DYNC2H1: variants seen among roughly 807,000 people sequenced by gnomAD.
The protein encoded by DYNC2H1 is cytoplasmic dynein 2 heavy chain 1.
A neutral mutation model predicts 570.0 loss-of-function variants in DYNC2H1; 410 were observed. That is an observed-to-expected ratio of 0.72 (90% CI 0.66 to 0.78). The LOEUF (loss-of-function observed/expected upper bound fraction) is 0.78. Among genes scored for constraint, DYNC2H1 ranks in the 30% least tolerant of loss-of-function variants. The probability of loss-of-function intolerance (pLI) is 0.00; values close to 1 mark genes in which losing one functional copy is unlikely to be tolerated. For missense variants in DYNC2H1, 4,865 were observed against 5,046.4 expected, an observed-to-expected ratio of 0.96 and a Z score of 1.09; for synonymous variants, 1,688 against 1,677.6, an observed-to-expected ratio of 1.01 and a Z score of -0.15.
At chr11:103,405,788 T>A (rs1942841244) in intron 84 of DYNC2H1, 1 of 151,912 alleles carries the variant, frequency 6.6e-6, no homozygotes, top group East Asian at 1.9e-4. Context: ...AGATATAGTG[T>A]TCTGATGTCT....
At chr11:103,371,518 C>A (rs1941145489) in intron 83 of DYNC2H1, among the ~76,000 whole-genome samples, 1 of 151,908 alleles carries the variant, frequency 6.6e-6, no homozygotes, top group Non-Finnish European at 1.5e-5. Context: ...AATCAGACTC[C>A]CAAAGATCAA....
chr11:103,188,450 G>T, intron 43 of DYNC2H1, 47 bp from the exon 44 acceptor site: 1 of 1,403,348 alleles, frequency 7.1e-7, no homozygotes, highest in South Asian at 1.5e-5. Context: ...ATCATGATTA[G>T]GAAATCTTAG....
chr11:103,187,296 T>C (rs906004787), intron 42 of DYNC2H1, 44 bp from the exon 43 acceptor site: 8 of 1,607,030 alleles, frequency 5.0e-6, no homozygotes, highest in Non-Finnish European at 6.8e-6. Flanking sequence ...TGTATTTTGT[T>C]GGTTGCATTT....
At chr11:103,220,209 A>G (rs578012535) in intron 56 of DYNC2H1, among the ~76,000 whole-genome samples, 181 bp downstream of exon 56, 3 of 152,332 alleles carry the variant, frequency 2.0e-5, no homozygotes, top group Admixed American at 2.0e-4. Context: ...GTATAAATTA[A>G]TGGATGATAA....
chr11:103,191,282 C>T (rs753896414), intron 45 of DYNC2H1, among the ~76,000 whole-genome samples: 179 of 151,998 alleles, frequency 1.2e-3, no homozygotes, highest in Non-Finnish European at 2.0e-3. Flanking sequence ...TCGTGATCTG[C>T]CCCCACTCAG....
chr11:103,479,243 A>C lies in DYNC2H1; in HGVS notation c.12914A>C (p.Lys4305Thr). ...CAGTGTGGAGCAGCTCTATTCCTAAAAAATCAGTAGAATCTAATGACAACA... is the reference window on the plus strand; with the variant it reads ...CAGTGTGGAGCAGCTCTATTCCTAACAAATCAGTAGAATCTAATGACAACA... Reference protein sequence around the residue: ...WIQCGAALFLKNQ With the variant: ...WIQCGAALFLTNQ The change falls in exon 89 of 89, where the codon AAA (lysine) becomes ACA (threonine). Residue 4305 changes from lysine (K) to threonine (T), a missense_variant. Around this residue, in one of 5 missense-constraint regions of DYNC2H1, gnomAD observed 2,401 missense variants for 2,454.6 expected, o/e 0.98. Coordinates refer to ENST00000375735, the MANE Select transcript of DYNC2H1 (RefSeq NM_001377.3). 3 of 1,610,904 alleles carry C rather than the reference A, an allele frequency of 1.9e-6. No homozygotes were observed. The highest frequency in any genetic ancestry group is 2.5e-6 in the Non-Finnish European group (3 of 1,178,434).
intron 85 of DYNC2H1, among the ~76,000 whole-genome samples, chr11:103,436,356 C>T (rs140699243): frequency 6.6e-6 from 1 of 151,816 alleles, no homozygotes; most frequent in Non-Finnish European, 1.5e-5. Context: ...TAGGGAGCTC[C>T]CTATGGGGAG....
chr11:103,390,803 T>C, intron 83 of DYNC2H1, among the ~76,000 whole-genome samples: 1 of 152,176 alleles, frequency 6.6e-6, no homozygotes, highest in Admixed American at 6.5e-5. Context: ...AATTCTTTTC[T>C]TAAGAATGTT....
chr11:103,291,744 G>A (rs1222942029), intron 75 of DYNC2H1, among the ~76,000 whole-genome samples: 2 of 151,898 alleles, frequency 1.3e-5, no homozygotes, highest in Non-Finnish European at 2.9e-5. Flanking sequence ...TCCAGTGTTG[G>A]GTGTATAGAT....
At chr11:103,309,080 G>C (rs1867437804) in intron 78 of DYNC2H1, among the ~76,000 whole-genome samples, 1 of 149,184 alleles carries the variant, frequency 6.7e-6, no homozygotes, top group African/African-American at 2.5e-5. Context: ...AATTGTGTTT[G>C]TAATGATATT....
intron 82 of DYNC2H1, among the ~76,000 whole-genome samples, chr11:103,353,243 A>C (rs1179776962): frequency 6.6e-6 from 1 of 152,180 alleles, no homozygotes; most frequent in Non-Finnish European, 1.5e-5. Context: ...ACCATGGCAC[A>C]CATTTTCCTA....
intron 82 of DYNC2H1, among the ~76,000 whole-genome samples, chr11:103,332,909 A>G (rs1938896406): frequency 6.6e-6 from 1 of 152,130 alleles, no homozygotes; most frequent in Admixed American, 6.5e-5. Context: ...AGGCTGAGGC[A>G]GGAAAATCGC....
Position 103,120,786 on chromosome 11 carries a change from A to C in DYNC2H1, c.1232A>C (p.Gln411Pro). ...GKLKNYISEI[Q>P]DSPQQLLQAF... is the part of the protein sequence containing the mutation. ...TTGAAAAATTATATTTCAGAAATTC[A>C]AGACAGTCCACAGCAGGTAAAACAT... The change falls in exon 8 of 89, where the codon CAA becomes CCA. Residue 411 changes from glutamine (Q) to proline (P), a missense_variant. Physicochemically the swap from Gln to Pro is moderately conservative, Grantham distance 76. Coordinates refer to ENST00000375735, the MANE Select transcript of DYNC2H1 (RefSeq NM_001377.3). The C allele has an allele frequency of 1.3e-6, 2 of 1,561,202 alleles. No individual in the cohort carries two copies. Among genetic ancestry groups the C allele is most frequent in the Non-Finnish European group, 1.7e-6 (2 of 1,152,558 alleles).
rs1859375571 is a variant in DYNC2H1, at chr11:103,133,426, G to A, written c.1954-129G>A. On this transcript the variant is annotated intron_variant, in intron 13 of 88. Transcript: ENST00000375735. This position sits in a 1 kb window ranked among gnomAD's most constrained non-coding sequence, Gnocchi z 4.8. ...CAGACTGCCTTATCATTTATAAAAT[G>A]GAAAATTATTATGTGCTTTCTTTGT... The A allele has an allele frequency of 2.5e-6, 2 of 794,908 alleles. No individual in the cohort carries two copies. The highest frequency in any genetic ancestry group is 4.5e-5 in the South Asian group (2 of 44,842). The allele number at this position is 794,908 out of a possible 1,614,324, so 49.2% of individuals were successfully genotyped here. A position where few individuals can be genotyped will look rare whatever the true frequency, so the allele number is the denominator to read the frequency against.
At chr11:103,147,393 T>C (rs546918662) in intron 18 of DYNC2H1, among the ~76,000 whole-genome samples, 1 of 152,254 alleles carries the variant, frequency 6.6e-6, no homozygotes, top group African/African-American at 2.4e-5. Flanking sequence ...TTGTTTGTAT[T>C]TTGGCTACAG....
chr11:103,285,492 G>A (rs558154620), intron 73 of DYNC2H1, among the ~76,000 whole-genome samples: 4 of 143,748 alleles, frequency 2.8e-5, no homozygotes, highest in East Asian at 2.0e-4. Context: ...GCGTGATCTC[G>A]GCTCACTGCA....
In DYNC2H1 at chr11:103,407,485, CAT is replaced by C. The variant is rs564111231; in HGVS notation, c.12366+7616_12366+7617del. The C allele has an allele frequency of 5.9e-5, 9 of 151,938 alleles. No individual in the cohort carries two copies. In the South Asian group the frequency reaches 1.5e-3, roughly 25 times the overall value. The allele number at this position is 151,938 out of a possible 1,614,324, so 9.4% of individuals were successfully genotyped here. On this transcript the variant is annotated intron_variant, in intron 84 of 88. Coordinates refer to ENST00000375735, the MANE Select transcript of DYNC2H1 (RefSeq NM_001377.3). The stretch of plus-strand genomic sequence containing the variant: ...CTGGAAATTAGAATAGGCATTGAGA[CAT>C]ATGCAGAATGCTAGCGTAAGTGGTA...
intron 48 of DYNC2H1, 44 bp downstream of exon 48, chr11:103,198,107 A>G: frequency 6.6e-7 from 1 of 1,524,176 alleles, no homozygotes; most frequent in Non-Finnish European, 8.9e-7. Context: ...TGGTCATTAT[A>G]GTCTTTTAAA....
At chr11:103,247,095 A>G (rs558308940) in intron 65 of DYNC2H1, among the ~76,000 whole-genome samples, 1 of 151,926 alleles carries the variant, frequency 6.6e-6, no homozygotes, top group South Asian at 2.1e-4. Context: ...GTTGAAGACA[A>G]TTGGACCAGC....
Sources: allele counts gnomAD v4.1 joint callset (sites outside exome capture counted in the v4.1 genomes callset), GRCh38; gene constraint gnomAD v4.1.1; regional missense constraint gnomAD v4.1.1; non-coding constraint Gnocchi (gnomAD v3.1); transcripts MANE v1.5; gene names NCBI Gene and HGNC (gene_info 2026-07-23, HGNC 2026-07-21).